Variants in SLC25A23 observed in about 807,000 individuals in gnomAD.
SLC25A23 encodes solute carrier family 25 member 23, also known as mitochondrial adenyl nucleotide antiporter SLC25A23.
A neutral mutation model predicts 53.9 loss-of-function variants in SLC25A23; 32 were observed. That is an observed-to-expected ratio of 0.59 (90% CI 0.45 to 0.80). The LOEUF (loss-of-function observed/expected upper bound fraction) is 0.80, where lower values mean the gene tolerates loss of function less well. Among genes scored for constraint, SLC25A23 ranks in the 30% least tolerant of loss-of-function variants. The probability of loss-of-function intolerance (pLI) is 0.00; values close to 1 mark genes in which losing one functional copy is unlikely to be tolerated. For synonymous variants in SLC25A23, 275 were observed against 264.5 expected (o/e 1.04, Z -0.38); for missense variants, 575 against 651.4 (o/e 0.88, Z 1.28).
At chr19:6,458,988 C>A (rs893485287) in intron 1 of SLC25A23, among the ~76,000 whole-genome samples, 21 of 152,314 alleles carry the variant, frequency 1.4e-4, no homozygotes, top group African/African-American at 4.8e-4. Flanking sequence ...AGGATTGGGT[C>A]CCTGGCTGGG....
At chr19:6,439,395 TCTCTCACACACACACACACACACACA>T (rs2092381501), downstream of SLC25A23, among the ~76,000 whole-genome samples, 1 of 129,506 alleles carries the variant, frequency 7.7e-6, no homozygotes, top group Non-Finnish European at 1.6e-5. Context: ...TCTCTCTCTC[TCTCTCACACACACACACACACACACA>T]CACACACACA....
intron 8 of SLC25A23, among the ~76,000 whole-genome samples, chr19:6,451,730 A>G (rs535468466): frequency 6.6e-6 from 1 of 152,116 alleles, no homozygotes; most frequent in South Asian, 2.1e-4. Context: ...CAGATGCTCA[A>G]ATGGGCAGGC....
At chr19:6,448,458 G>A (rs994489235) in intron 8 of SLC25A23, among the ~76,000 whole-genome samples, 13 of 151,782 alleles carry the variant, frequency 8.6e-5, no homozygotes, top group African/African-American at 3.1e-4. Context: ...GGTGGCTCAT[G>A]CCTGTAATCC....
chr19:6,444,711 A>G (rs938331640), intron 8 of SLC25A23, among the ~76,000 whole-genome samples: 3 of 152,094 alleles, frequency 2.0e-5, no homozygotes, highest in Admixed American at 2.0e-4. Flanking sequence ...TCTGTTGCCC[A>G]GGCTGGAGTG....
chr19:6,437,152 T>G (rs2092336216), downstream of SLC25A23, among the ~76,000 whole-genome samples: 1 of 151,940 alleles, frequency 6.6e-6, no homozygotes, highest in Non-Finnish European at 1.5e-5. Context: ...GAACTACAGG[T>G]ATATGCCATC....
intron 3 of SLC25A23, 115 bp downstream of exon 3, chr19:6,457,388 C>T: frequency 2.1e-6 from 2 of 938,998 alleles, no homozygotes; most frequent in African/African-American, 1.6e-5. Context: ...ACTTCAAAGC[C>T]CCAACCTCTC....
chr19:6,452,612 C>T (rs577620844), intron 7 of SLC25A23, 133 bp from the exon 8 acceptor site: 1 of 1,066,838 alleles, frequency 9.4e-7, no homozygotes, highest in East Asian at 2.7e-5. Context: ...ACCACCTACT[C>T]TAGAATCTTC....
Position 6,459,614 on chromosome 19 carries a change from CG to C in SLC25A23, c.14del (p.Pro5ArgfsTer127). MRGS[P>X]GDAERRQRWG... ...AGCGCTGCCGCCGCTCCGCGTCGCC[CG>C]GGCTCCCCCGCATGGCGCCCGCCCG... On this transcript the variant is annotated frameshift_variant, in exon 1 of 10. Transcript: ENST00000301454. LOFTEE classifies it high-confidence loss of function. The surrounding 1 kb of genome is among the most constrained non-coding windows in gnomAD (Gnocchi z 4.6). 1 of 1,518,516 alleles carries C rather than the reference CG, an allele frequency of 6.6e-7. No homozygotes were observed. The highest frequency in any genetic ancestry group is 8.8e-7 in the Non-Finnish European group (1 of 1,139,210). The allele number at this position is 1,518,516 out of a possible 1,614,324, so 94.1% of individuals were successfully genotyped here.
rs779922396 is a variant in SLC25A23 at position 6,442,167 on chromosome 19, G to A, written c.1223-8C>T. ...GGCCACCCTCGATGGAGGCTGGGAG[G>A]GGGCGGGGGGGGCACCAGGTAAGGC... On this transcript the variant is annotated splice_polypyrimidine_tract_variant and splice_region_variant and intron_variant, in intron 9 of 9. Coordinates refer to ENST00000301454, the MANE Select transcript of SLC25A23 (RefSeq NM_024103.3). The A allele has an allele frequency of 6.9e-7, 1 of 1,445,074 alleles. No homozygotes were observed. 89.5% of individuals were successfully genotyped at this position (1,445,074 alleles called of 1,614,324 possible).
intron 8 of SLC25A23, among the ~76,000 whole-genome samples, chr19:6,445,420 C>T (rs7508713): frequency 6.6e-6 from 1 of 152,136 alleles, no homozygotes; most frequent in Admixed American, 6.6e-5. Flanking sequence ...AAGGGCCCTT[C>T]TAAGAGTTAG....
chr19:6,448,362 C>T (rs543031606), intron 8 of SLC25A23, among the ~76,000 whole-genome samples: 63 of 152,150 alleles, frequency 4.1e-4, no homozygotes, highest in African/African-American at 1.5e-3. Context: ...TCTTTTGGGT[C>T]TAGAACAGCA....
rs1317229415 is a variant in SLC25A23 at position 6,455,982 on chromosome 19, G to A, written c.483+438C>T. 11 of 1,286,122 alleles carry A rather than the reference G, an allele frequency of 8.6e-6. No individual in the cohort carries two copies. In the East Asian group the frequency reaches 1.7e-4, roughly 19 times the overall value. The allele number at this position is 1,286,122 out of a possible 1,614,324, so 79.7% of individuals were successfully genotyped here. Reference sequence around the variant, plus strand: ...GATCCGCCCACTTCGGCCTCCCAAAGTGCTGGGATTTTAGGTGTGAGCCAC... The same window carrying A: ...GATCCGCCCACTTCGGCCTCCCAAAATGCTGGGATTTTAGGTGTGAGCCAC... On this transcript the variant is annotated intron_variant, in intron 4 of 9. Coordinates refer to ENST00000301454, the MANE Select transcript of SLC25A23 (RefSeq NM_024103.3).
rs2092431428 is a variant in SLC25A23 at position 6,442,170 on chromosome 19, GC to G, written c.1223-12del. 2.5e-5 allele frequency: 36 copies of G among 1,454,796 alleles called. No homozygotes were observed. The highest frequency in any genetic ancestry group is 3.0e-5 in the African/African-American group (2 of 67,776). The allele number at this position is 1,454,796 out of a possible 1,614,324, so 90.1% of individuals were successfully genotyped here. ...CACCCTCGATGGAGGCTGGGAGGGG[GC>G]GGGGGGGGCACCAGGTAAGGCCAAC... On this transcript the variant is annotated splice_polypyrimidine_tract_variant and intron_variant, in intron 9 of 9. Transcript: ENST00000301454.
chr19:6,456,367 C>T (rs954658955), intron 4 of SLC25A23, 53 bp downstream of exon 4: 54 of 1,561,526 alleles, frequency 3.5e-5, no homozygotes, highest in Non-Finnish European at 4.6e-5. Flanking sequence ...GAGCAAGGCC[C>T]CCCTGGGGAA....
At chr19:6,456,308 C>T (rs1372459806) in intron 4 of SLC25A23, 112 bp downstream of exon 4, 1 of 1,123,002 alleles carries the variant, frequency 8.9e-7, no homozygotes, top group East Asian at 2.5e-5. Context: ...CCAGTGCCTT[C>T]TCCTTCTGGA....
At chr19:6,436,335 A>G (rs2092314373), downstream of SLC25A23, 1 of 446,230 alleles carries the variant, frequency 2.2e-6, no homozygotes, top group South Asian at 1.6e-5. Flanking sequence ...CAGGGAATTC[A>G]ACTGATAGAA....
In SLC25A23 at chr19:6,440,751, C is replaced by G. The variant is rs1180278606; in HGVS notation, c.*1224G>C. ...CAGCCAGGACCTGGGCTTCCTTCCCCACAGACTCCCTCGACCATGCAATTT... is the reference window on the plus strand; with the variant it reads ...CAGCCAGGACCTGGGCTTCCTTCCCGACAGACTCCCTCGACCATGCAATTT... On this transcript the variant is annotated 3_prime_UTR_variant, in exon 10 of 10. Coordinates refer to ENST00000301454, the MANE Select transcript of SLC25A23 (RefSeq NM_024103.3). 6.6e-6 allele frequency: 1 copy of G among 152,080 alleles called. No individual in the cohort carries two copies. The highest frequency in any genetic ancestry group is 1.5e-5 in the Non-Finnish European group (1 of 68,018). The allele number at this position is 152,080 out of a possible 1,614,324, so 9.4% of individuals were successfully genotyped here.
intron 8 of SLC25A23, among the ~76,000 whole-genome samples, chr19:6,451,129 C>T (rs1007205735): frequency 2.0e-5 from 3 of 149,678 alleles, no homozygotes; most frequent in African/African-American, 7.4e-5. Context: ...GTAGTTCACA[C>T]CTGTAATCCA....
intron 7 of SLC25A23, among the ~76,000 whole-genome samples, chr19:6,453,239 GTTTT>G (rs34113509): frequency 1.6e-5 from 2 of 125,010 alleles, no homozygotes; most frequent in African/African-American, 3.0e-5. Context: ...TGTGATTGAA[GTTTT>G]TTTTTTTTTT....
Sources: allele counts gnomAD v4.1 joint callset (sites outside exome capture counted in the v4.1 genomes callset), GRCh38; gene constraint gnomAD v4.1.1; non-coding constraint Gnocchi (gnomAD v3.1); transcripts MANE v1.5; gene names NCBI Gene and HGNC (gene_info 2026-07-23, HGNC 2026-07-21).